NUP62CL: variants seen among roughly 807,000 people sequenced by gnomAD.
The protein encoded by NUP62CL is nucleoporin 62 C-terminal like.
NUP62CL carries 13 observed loss-of-function variants against 15.3 expected under a neutral mutation model. That is an observed-to-expected ratio of 0.85 (90% confidence interval 0.55 to 1.35). NUP62CL has a LOEUF of 1.35. NUP62CL is among the 40% of genes most tolerant of loss of function. The pLI, the probability that NUP62CL is intolerant of heterozygous loss-of-function variation, is 0.00. For missense variants in NUP62CL, 123 were observed against 130.6 expected (o/e 0.94, Z 0.28); for synonymous variants, 54 against 49.2 (o/e 1.10, Z -0.41).
At chrX:107,141,138 A>T (rs1453193853) in intron 8 of NUP62CL, among the ~76,000 whole-genome samples, 3 of 112,307 alleles carry the variant, frequency 2.7e-5, no homozygotes, top group African/African-American at 9.7e-5. Flanking sequence ...TGTATTTCAA[A>T]TCTGGATTTA....
intron 3 of NUP62CL, among the ~76,000 whole-genome samples, chrX:107,173,653 A>C (rs1239232460): frequency 8.9e-6 from 1 of 111,931 alleles, no homozygotes; most frequent in Non-Finnish European, 1.9e-5. Flanking sequence ...GCTTACATAT[A>C]TCAAAATGAT....
At chrX:107,163,216 C>T (rs751081485) in intron 4 of NUP62CL, among the ~76,000 whole-genome samples, 504 of 111,851 alleles carry the variant, frequency 4.5e-3, no homozygotes, top group Non-Finnish European at 6.6e-3. Flanking sequence ...GACAACCATA[C>T]TTAAAAGCTA....
Position 107,154,186 on chromosome X carries a change from G to A in NUP62CL, c.255C>T (p.Asn85=). ...ACTTCTCTTGATCTTCCAGCTCAAG[G>A]TTCCACTCATTTATAAGACCCTCCA... ...GHLEGLINEW[N]LELEDQEKYF... The change falls in exon 5 of 9, where the codon AAC becomes AAT. Residue 85 remains asparagine (N), a synonymous_variant. Transcript: ENST00000372466. The A allele has an allele frequency of 9.1e-6, 11 of 1,205,380 alleles. No homozygotes were observed. The highest frequency in any genetic ancestry group is 1.2e-5 in the Non-Finnish European group (11 of 890,237).
intron 8 of NUP62CL, among the ~76,000 whole-genome samples, chrX:107,143,494 T>C (rs1285586): frequency 0.37 from 40,450 of 109,919 alleles, 8,126 homozygotes; most frequent in African/African-American, 0.77. Context: ...GGATTGCAGG[T>C]ATGAGAGACA....
chrX:107,140,162 G>A lies in NUP62CL; in HGVS notation c.*42+7581C>T, dbSNP rs142855420. On this transcript the variant is annotated intron_variant, in intron 8 of 8. Coordinates refer to ENST00000372466, the MANE Select transcript of NUP62CL (RefSeq NM_017681.3). The stretch of plus-strand genomic sequence containing the variant: ...AAGGAAGAGTGTAAAAAGAAAAGAT[G>A]GTGAAAGCATCCTGAATTCATGGAG... Among the ~76,000 whole-genome samples the A allele has an allele frequency of 1.3e-4, 15 of 111,481 alleles. 1 individual carries two copies. In the East Asian group the frequency reaches 3.9e-3, roughly 29 times the overall value.
Position 107,181,668 on chromosome X carries a change from C to T in NUP62CL, c.-47-6475G>A, listed in dbSNP as rs771376012. Among the ~76,000 whole-genome samples, 326 of 111,113 alleles carry T rather than the reference C, an allele frequency of 2.9e-3. 2 individuals are homozygous for T. Among genetic ancestry groups the T allele is most frequent in the African/African-American group, 1.0e-2 (305 of 30,591 alleles). On this transcript the variant is annotated intron_variant, in intron 2 of 8. Transcript: ENST00000372466. ...CCCAAAGATTCCCATTATGGTTTTA[C>T]GAGAATTGCATGAAATGTATAGATT...
chrX:107,139,154 C>T (rs1399539714), intron 8 of NUP62CL, among the ~76,000 whole-genome samples: 1 of 109,658 alleles, frequency 9.1e-6, no homozygotes, highest in East Asian at 2.9e-4. Context: ...TTAGGAAATG[C>T]GGTAGAGGGG....
chrX:107,162,816 G>A (rs1926420549), intron 4 of NUP62CL, among the ~76,000 whole-genome samples: 1 of 111,885 alleles, frequency 8.9e-6, no homozygotes, highest in Non-Finnish European at 1.9e-5. Flanking sequence ...TCCACAGATG[G>A]CGGGAGGGGC....
At chrX:107,175,407 C>CA (rs1476874792) in intron 2 of NUP62CL, among the ~76,000 whole-genome samples, 1 of 111,497 alleles carries the variant, frequency 9.0e-6, no homozygotes, top group Non-Finnish European at 1.9e-5. Flanking sequence ...CTAGCACCAT[C>CA]ATAACAAAGA....
At chrX:107,131,608 T>C (rs957467400) in intron 8 of NUP62CL, 1 of 468,091 alleles carries the variant, frequency 2.1e-6, no homozygotes, top group Non-Finnish European at 3.8e-6. Flanking sequence ...GCGTCGCCAG[T>C]GACTAGTAGG....
At position 107,139,111 on chromosome X, in the gene NUP62CL, T is replaced by C. The variant is rs376028976; in HGVS notation, c.*42+8632A>G. 9.9e-5 allele frequency among the ~76,000 whole-genome samples: 11 copies of C among 111,139 alleles called. No individual in the cohort carries two copies. In the East Asian group the frequency reaches 2.0e-3, roughly 20 times the overall value. ...TTTTGAAATGATAGAATTTTAGAAA[T>C]AGAAAATAGATTTGTGGTTGCCAAG... On this transcript the variant is annotated intron_variant, in intron 8 of 8. Coordinates refer to ENST00000372466, the MANE Select transcript of NUP62CL (RefSeq NM_017681.3).
rs1412360941 is a variant in NUP62CL, at chrX:107,155,831, C to T, written c.195-1585G>A. On this transcript the variant is annotated intron_variant, in intron 4 of 8. Transcript: ENST00000372466. ...TCTACAGCTCCCAGCGTGAGCGACACAGAAGACGGGTGATTTCTGCATTTC... is the reference window on the plus strand; with the variant it reads ...TCTACAGCTCCCAGCGTGAGCGACATAGAAGACGGGTGATTTCTGCATTTC... 8.0e-5 allele frequency among the ~76,000 whole-genome samples: 9 copies of T among 112,646 alleles called. No individual in the cohort carries two copies. The East Asian group carries it at 2.2e-3, about 28-fold the overall frequency.
In NUP62CL at chrX:107,183,548, A is replaced by G. The variant is rs747355378; in HGVS notation, c.-47-8355T>C. Among the ~76,000 whole-genome samples the G allele has an allele frequency of 2.9e-3, 322 of 112,115 alleles. 2 individuals are homozygous for G. The highest frequency in any genetic ancestry group is 9.8e-3 in the African/African-American group (304 of 30,887). ...CTAGGGATTCCAAAACCAAAGGAAC[A>G]ATATGGTGGTGAGTTCCCTAGGTTT... On this transcript the variant is annotated intron_variant, in intron 2 of 8. Coordinates refer to ENST00000372466, the MANE Select transcript of NUP62CL (RefSeq NM_017681.3).
intron 2 of NUP62CL, among the ~76,000 whole-genome samples, chrX:107,190,577 A>G (rs934155155): frequency 8.9e-6 from 1 of 111,794 alleles, no homozygotes; most frequent in Non-Finnish European, 1.9e-5. Context: ...CATCAATAAC[A>G]CTAACCTCCA....
Position 107,153,172 on chromosome X carries a change from A to G in NUP62CL, c.530T>C (p.Ile177Thr), listed in dbSNP as rs1298577. 266,066 of 1,195,183 alleles carry G rather than the reference A, an allele frequency of 0.22. 29,876 individuals are homozygous for G. Among genetic ancestry groups the G allele is most frequent in the African/African-American group, 0.78 (43,308 of 55,875 alleles). ...LQDADEEHVE[I>T]STRSAEF ...CTTCAATCTTTTTTCAGTTACTTACATCTCCACATGCTCCTCATCTGCATC... is the reference window on the plus strand; with the variant it reads ...CTTCAATCTTTTTTCAGTTACTTACGTCTCCACATGCTCCTCATCTGCATC... Residue 177 changes from isoleucine (I) to threonine (T), a missense_variant and splice_region_variant, in exon 7 of 9, where the codon ATC (isoleucine) becomes ACC (threonine). Ile to Thr is a moderately conservative substitution (Grantham distance 89). Coordinates refer to ENST00000372466, the MANE Select transcript of NUP62CL (RefSeq NM_017681.3).
chrX:107,160,015 T>G (rs1484555081), intron 4 of NUP62CL, among the ~76,000 whole-genome samples: 1 of 100,347 alleles, frequency 1.0e-5, no homozygotes, highest in Non-Finnish European at 2.0e-5. Context: ...AAATCATGAG[T>G]GAACTCCCAT....
intron 8 of NUP62CL, among the ~76,000 whole-genome samples, chrX:107,139,364 A>T (rs963314705): frequency 3.6e-5 from 4 of 112,074 alleles, no homozygotes; most frequent in African/African-American, 1.3e-4. Flanking sequence ...GATTTTATCA[A>T]TGTGAATATC....
intron 8 of NUP62CL, among the ~76,000 whole-genome samples, chrX:107,146,879 G>A (rs990426233): frequency 1.5e-4 from 17 of 111,200 alleles, no homozygotes; most frequent in African/African-American, 5.6e-4. Context: ...CATGAGATTA[G>A]ACAGTTCCCC....
chrX:107,161,110 A>G (rs1456046936), intron 4 of NUP62CL, among the ~76,000 whole-genome samples: 7 of 108,418 alleles, frequency 6.5e-5, no homozygotes, highest in African/African-American at 2.4e-4. Flanking sequence ...TAGAATGGCA[A>G]TCATTGAAAA....
Sources: gnomAD v4.1 joint callset for allele counts (sites outside exome capture counted in the v4.1 genomes callset) on GRCh38, gnomAD v4.1.1 for gene constraint, MANE v1.5 for transcripts, NCBI Gene and HGNC (gene_info 2026-07-23, HGNC 2026-07-21) for gene names.